SLC26A8: variants seen among roughly 807,000 people sequenced by gnomAD.
SLC26A8 encodes testis anion transporter 1.
SLC26A8 carries 70 observed loss-of-function variants against 105.0 expected under a neutral mutation model. The observed-to-expected ratio is 0.67, with a 90% CI of 0.55 to 0.81. The LOEUF (loss-of-function observed/expected upper bound fraction) is 0.81, where lower values mean the gene tolerates loss of function less well. SLC26A8 is among the 40% of genes least tolerant of loss of function. The probability of loss-of-function intolerance (pLI) is 0.00; values close to 1 mark genes in which losing one functional copy is unlikely to be tolerated. For synonymous variants in SLC26A8, 415 were observed against 438.3 expected (o/e 0.95, Z 0.66); for missense variants, 998 against 1,181.8 (o/e 0.84, Z 2.28).
chr6:36,024,249 A>C (rs1042817292), intron 1 of SLC26A8: 26 of 318,384 alleles, frequency 8.2e-5, no homozygotes, highest in Non-Finnish European at 1.4e-4. Flanking sequence ...GGAGAATTTG[A>C]AAGGATGCAG....
At chr6:35,964,629 A>G (rs1188158569) in intron 11 of SLC26A8, among the ~76,000 whole-genome samples, 2 of 151,680 alleles carry the variant, frequency 1.3e-5, no homozygotes, top group Non-Finnish European at 2.9e-5. Flanking sequence ...ACTGGGTGAC[A>G]GAGTGAGACT....
chr6:35,980,526 A>G (rs2127329482), intron 8 of SLC26A8, among the ~76,000 whole-genome samples: 1 of 152,196 alleles, frequency 6.6e-6, no homozygotes, highest in South Asian at 2.1e-4. Context: ...TGTCAATCCC[A>G]CTGTTGTTCT....
chr6:35,943,756 G>C lies in SLC26A8; in HGVS notation c.*144C>G. 1.6e-6 allele frequency: 2 copies of C among 1,227,746 alleles called. No individual in the cohort carries two copies. The highest frequency in any genetic ancestry group is 2.2e-6 in the Non-Finnish European group (2 of 900,252). The allele number at this position is 1,227,746 out of a possible 1,614,324, so 76.1% of individuals were successfully genotyped here. A position where few individuals can be genotyped will look rare whatever the true frequency, so the allele number is the denominator to read the frequency against. On this transcript the variant is annotated 3_prime_UTR_variant, in exon 20 of 20. Coordinates refer to ENST00000490799, the MANE Select transcript of SLC26A8 (RefSeq NM_052961.4). The stretch of plus-strand genomic sequence containing the variant: ...GAGTATGATCCCAGCGCAGAGCAAG[G>C]AAGAAGGCTGGCAGGTAGTAGGAGT...
chr6:35,991,297 A>G (rs1761144451), intron 7 of SLC26A8, among the ~76,000 whole-genome samples: 1 of 151,536 alleles, frequency 6.6e-6, no homozygotes, highest in African/African-American at 2.4e-5. Context: ...CCAGCTACTC[A>G]GGAGGCTGAG....
In SLC26A8 at chr6:35,991,791, A is replaced by G; in HGVS notation, c.810T>C (p.Cys270=). ...ISFFYDIINY[C]VALPKANSTS... is the part of the protein sequence containing the mutation. ...TGGAATTCGCTTTTGGGAGAGCTAC[A>G]CAGTAATTAATTATGTCCTGAAAGA... Residue 270 remains cysteine (C), a synonymous_variant, in exon 7 of 20, where the codon TGT becomes TGC. Coordinates refer to ENST00000490799, the MANE Select transcript of SLC26A8 (RefSeq NM_052961.4). 1 of 1,597,156 alleles carries G rather than the reference A, an allele frequency of 6.3e-7. No homozygotes were observed. Among genetic ancestry groups the G allele is most frequent in the Non-Finnish European group, 8.5e-7 (1 of 1,174,664 alleles).
chr6:35,964,960 A>C (rs9470183), intron 11 of SLC26A8, among the ~76,000 whole-genome samples: 61,500 of 148,702 alleles, frequency 0.41, 14,308 homozygotes, highest in African/African-American at 0.64. Flanking sequence ...GAGTGAGACC[A>C]TGTCTCAAAA....
At chr6:35,944,937 C>T (rs566676111) in intron 19 of SLC26A8, among the ~76,000 whole-genome samples, 1 of 152,244 alleles carries the variant, frequency 6.6e-6, no homozygotes, top group Admixed American at 6.5e-5. Context: ...GCAACCTCTA[C>T]TTCCCGAATT....
At chr6:36,004,390 T>C (rs1443238069) in intron 3 of SLC26A8, among the ~76,000 whole-genome samples, 1 of 152,278 alleles carries the variant, frequency 6.6e-6, no homozygotes, top group Non-Finnish European at 1.5e-5. Flanking sequence ...CTGATTGTTA[T>C]ATGCTGATTT....
rs73405832 is a variant in SLC26A8 at position 35,981,502 on chromosome 6, C to T, written c.1025+619G>A. ...CTAAAAATGCAAAAAATTAGCCAGG[C>T]GTGGCAGTGCACGGCGGTGTACACC... On this transcript the variant is annotated intron_variant, in intron 8 of 19. Coordinates refer to ENST00000490799, the MANE Select transcript of SLC26A8 (RefSeq NM_052961.4). This position sits in a 1 kb window ranked among gnomAD's most constrained non-coding sequence, Gnocchi z 4.0. 9.2e-3 allele frequency among the ~76,000 whole-genome samples: 1,406 copies of T among 152,138 alleles called. 17 individuals carry two copies. Among genetic ancestry groups the T allele is most frequent in the African/African-American group, 0.032 (1,323 of 41,492 alleles).
At chr6:35,962,023 T>C (rs972768432) in intron 12 of SLC26A8, among the ~76,000 whole-genome samples, 2 of 152,166 alleles carry the variant, frequency 1.3e-5, no homozygotes, top group African/African-American at 4.8e-5. Flanking sequence ...GTTAGGAGTT[T>C]GAGACCAGCC....
chr6:36,015,106 C>CTTT (rs771966624), intron 2 of SLC26A8, among the ~76,000 whole-genome samples: 2 of 127,018 alleles, frequency 1.6e-5, no homozygotes, highest in Admixed American at 8.1e-5. Context: ...CAAAATTGTG[C>CTTT]TTTTTTTTTT....
At chr6:35,950,171 T>C (rs1211788363) in intron 19 of SLC26A8, among the ~76,000 whole-genome samples, 1 of 152,172 alleles carries the variant, frequency 6.6e-6, no homozygotes, top group Non-Finnish European at 1.5e-5. Context: ...TGATTTCTAG[T>C]CATTAGATAA....
chr6:35,947,955 TA>T (rs1771732517), intron 19 of SLC26A8, among the ~76,000 whole-genome samples: 1 of 151,804 alleles, frequency 6.6e-6, no homozygotes, highest in African/African-American at 2.4e-5. Context: ...GTAAAACATA[TA>T]AAGTATCTAA....
intron 19 of SLC26A8, among the ~76,000 whole-genome samples, chr6:35,950,328 C>T (rs902185015): frequency 1.0e-4 from 15 of 150,568 alleles, no homozygotes; most frequent in South Asian, 2.1e-4. Flanking sequence ...CTCACTCTGT[C>T]GCCCAGGCTG....
rs972006777 is a variant in SLC26A8 at position 35,981,192 on chromosome 6, T to TA, written c.1025+928dup. Among the ~76,000 whole-genome samples, 8 of 151,876 alleles carry TA rather than the reference T, an allele frequency of 5.3e-5. No homozygotes were observed. The highest frequency in any genetic ancestry group is 1.9e-4 in the African/African-American group (8 of 41,336). ...CTAATGTGATTCATCTGATTAAGGT[T>TA]AAAAAAAATAATTTCCTAACAGAAG... is the stretch of plus-strand genomic sequence containing the variant. On this transcript the variant is annotated intron_variant, in intron 8 of 19. Transcript: ENST00000490799. This position sits in a 1 kb window ranked among gnomAD's most constrained non-coding sequence, Gnocchi z 4.0.
At chr6:35,988,735 T>A (rs2127344990) in intron 7 of SLC26A8, among the ~76,000 whole-genome samples, 1 of 152,246 alleles carries the variant, frequency 6.6e-6, no homozygotes, top group East Asian at 1.9e-4. Flanking sequence ...GAAAAAACAT[T>A]TAACATCTCA....
intron 5 of SLC26A8, among the ~76,000 whole-genome samples, chr6:35,993,295 T>G (rs934037636): frequency 2.0e-5 from 3 of 151,710 alleles, no homozygotes; most frequent in Non-Finnish European, 4.4e-5. Flanking sequence ...ATGAACGCAC[T>G]GTGCCTGGCC....
Position 35,959,817 on chromosome 6 carries a change from A to G in SLC26A8, c.1639-11T>C. The stretch of plus-strand genomic sequence containing the variant: ...AGGAATGGTGATGATCTGCAAGACA[A>G]AATGTGAAGTTGAGGGAAATTTCTC... On this transcript the variant is annotated splice_polypyrimidine_tract_variant and intron_variant, in intron 14 of 19. Transcript: ENST00000490799. The G allele has an allele frequency of 6.3e-7, 1 of 1,598,634 alleles. No individual in the cohort carries two copies. Among genetic ancestry groups the G allele is most frequent in the Non-Finnish European group, 8.5e-7 (1 of 1,171,482 alleles).
chr6:35,972,567 C>T (rs959661723), intron 10 of SLC26A8, among the ~76,000 whole-genome samples: 12 of 152,040 alleles, frequency 7.9e-5, no homozygotes, highest in South Asian at 2.1e-4. Flanking sequence ...GCAACATTCT[C>T]TGCTTGAGCC....
Sources: allele counts gnomAD v4.1 joint callset (sites outside exome capture counted in the v4.1 genomes callset), GRCh38; gene constraint gnomAD v4.1.1; non-coding constraint Gnocchi (gnomAD v3.1); transcripts MANE v1.5; gene names NCBI Gene and HGNC (gene_info 2026-07-23, HGNC 2026-07-21).